ZDHHC14: variants seen among roughly 807,000 people sequenced by gnomAD.
ZDHHC14 encodes the protein palmitoyltransferase ZDHHC14.
ZDHHC14 carries 16 observed loss-of-function variants against 47.7 expected under a neutral mutation model. The ratio of observed to expected loss-of-function variants is 0.34; its 90% CI spans 0.23 to 0.51. ZDHHC14 has a LOEUF of 0.51. ZDHHC14 is among the 20% of genes least tolerant of loss of function. ZDHHC14 has a pLI of 0.97. For missense variants in ZDHHC14, 515 were observed against 662.5 expected (o/e 0.78, Z 2.44); for synonymous variants, 293 against 278.9 (o/e 1.05, Z -0.50).
chr6:157,580,672 G>A (rs761816339), intron 2 of ZDHHC14, among the ~76,000 whole-genome samples: 1 of 151,680 alleles, frequency 6.6e-6, no homozygotes, highest in African/African-American at 2.4e-5. Context: ...TAGTTTGTCT[G>A]CATAGAGGTG....
chr6:157,496,618 T>C (rs1780072139), intron 1 of ZDHHC14, among the ~76,000 whole-genome samples: 1 of 152,166 alleles, frequency 6.6e-6, no homozygotes, highest in African/African-American at 2.4e-5. Flanking sequence ...AGGGAGAAGA[T>C]GGGCATGTGC....
intron 1 of ZDHHC14, among the ~76,000 whole-genome samples, chr6:157,483,997 A>G (rs1056953468): frequency 2.6e-5 from 4 of 152,266 alleles, no homozygotes; most frequent in African/African-American, 7.2e-5. Flanking sequence ...TTGCATCAAC[A>G]TGGATGGAGC....
intron 2 of ZDHHC14, among the ~76,000 whole-genome samples, chr6:157,590,707 C>T (rs1349679300): frequency 6.6e-6 from 1 of 152,310 alleles, no homozygotes; most frequent in African/African-American, 2.4e-5. Context: ...ACATAGAGTC[C>T]CCACTGGGGC....
At chr6:157,465,166 A>C (rs1020539036) in intron 1 of ZDHHC14, among the ~76,000 whole-genome samples, 3 of 151,052 alleles carry the variant, frequency 2.0e-5, no homozygotes, top group Admixed American at 6.6e-5. Flanking sequence ...AACCAATGAA[A>C]AAAAAAGATT....
chr6:157,577,431 A>C (rs1291399038), intron 2 of ZDHHC14, among the ~76,000 whole-genome samples: 1 of 152,222 alleles, frequency 6.6e-6, no homozygotes, highest in Non-Finnish European at 1.5e-5. Context: ...TTCTTTGAGG[A>C]ATCACCATGC....
At chr6:157,407,326 C>G (rs1367373090) in intron 1 of ZDHHC14, among the ~76,000 whole-genome samples, 1 of 152,168 alleles carries the variant, frequency 6.6e-6, no homozygotes, top group Non-Finnish European at 1.5e-5. Context: ...TACATGGCCG[C>G]TGTGTATAGG....
intron 1 of ZDHHC14, among the ~76,000 whole-genome samples, chr6:157,483,245 T>G (rs1486420397): frequency 1.3e-5 from 2 of 152,244 alleles, no homozygotes; most frequent in Non-Finnish European, 2.9e-5. Context: ...ATCTCAGCCC[T>G]TCTTTAATCA....
At chr6:157,496,224 T>C (rs1780059936) in intron 1 of ZDHHC14, among the ~76,000 whole-genome samples, 2 of 152,174 alleles carry the variant, frequency 1.3e-5, no homozygotes, top group East Asian at 1.9e-4. Context: ...GGTTCTGAGA[T>C]GGGAGGTCGA....
At chr6:157,565,804 C>CA (rs758559905) in intron 2 of ZDHHC14, among the ~76,000 whole-genome samples, 3,018 of 99,328 alleles carry the variant, frequency 0.03, 107 homozygotes, top group African/African-American at 0.097. Context: ...ACTCCGTCTC[C>CA]AAAAAAAAAA....
At position 157,542,742 on chromosome 6, in the gene ZDHHC14, A is replaced by G; in HGVS notation, c.403A>G (p.Ile135Val). Residue 135 changes from isoleucine to valine, a missense_variant, in exon 2 of 9, where the codon ATA becomes GTA. Physicochemically the swap from Ile to Val is conservative, Grantham distance 29. Transcript: ENST00000359775. The stretch of plus-strand genomic sequence containing the variant: ...TGAAGCCGCCGATCTGGAAAGGCAA[A>G]TAGGTAACACTGAAAGTCTGCCCAT... Reference protein sequence around the residue: ...PDEAADLERQIDIANGTSSGG... With the variant: ...PDEAADLERQVDIANGTSSGG... 1 of 1,613,906 alleles carries G rather than the reference A, an allele frequency of 6.2e-7. No homozygotes were observed. Among genetic ancestry groups the G allele is most frequent in the East Asian group, 2.2e-5 (1 of 44,862 alleles).
intron 1 of ZDHHC14, among the ~76,000 whole-genome samples, chr6:157,437,328 A>G (rs1359167795): frequency 2.0e-5 from 3 of 152,232 alleles, no homozygotes; most frequent in Non-Finnish European, 4.4e-5. Context: ...TAAGGAGGCC[A>G]CTTTCCCTCC....
intron 1 of ZDHHC14, among the ~76,000 whole-genome samples, chr6:157,476,319 C>G (rs1049101072): frequency 7.9e-5 from 12 of 152,142 alleles, no homozygotes; most frequent in Non-Finnish European, 1.0e-4. Flanking sequence ...AGATATGGGT[C>G]AATTCCTAGA....
At chr6:157,595,852 G>A (rs981346668) in intron 3 of ZDHHC14, among the ~76,000 whole-genome samples, 4 of 152,194 alleles carry the variant, frequency 2.6e-5, no homozygotes, top group African/African-American at 7.2e-5. Context: ...TGGCCACCCA[G>A]TATCCACAAC....
chr6:157,510,077 T>A (rs1360194079), intron 1 of ZDHHC14, among the ~76,000 whole-genome samples: 1 of 152,128 alleles, frequency 6.6e-6, no homozygotes, highest in East Asian at 1.9e-4. Context: ...AAACCCCATC[T>A]CTACTAAAAA....
intron 1 of ZDHHC14, among the ~76,000 whole-genome samples, chr6:157,509,107 C>T (rs887364889): frequency 2.6e-5 from 4 of 152,124 alleles, no homozygotes; most frequent in Non-Finnish European, 5.9e-5. Context: ...GTCTTCCCCA[C>T]CTTAGAATCT....
intron 2 of ZDHHC14, among the ~76,000 whole-genome samples, chr6:157,558,370 T>C (rs1368010843): frequency 6.6e-6 from 1 of 152,182 alleles, no homozygotes; most frequent in African/African-American, 2.4e-5. Flanking sequence ...TAGTCTGCAT[T>C]ACACAGGGAA....
chr6:157,544,395 C>A (rs1582914639), intron 2 of ZDHHC14, among the ~76,000 whole-genome samples: 2 of 152,114 alleles, frequency 1.3e-5, no homozygotes, highest in African/African-American at 4.8e-5. Flanking sequence ...TGCCTGTAAT[C>A]CCAGCACTTT....
chr6:157,550,600 C>T (rs1011483382), intron 2 of ZDHHC14, among the ~76,000 whole-genome samples: 4 of 150,898 alleles, frequency 2.7e-5, no homozygotes, highest in African/African-American at 9.7e-5. Context: ...CTAGAGAGAA[C>T]ATGGTGTCAC....
At chr6:157,412,336 A>C (rs1316137218) in intron 1 of ZDHHC14, among the ~76,000 whole-genome samples, 1 of 151,896 alleles carries the variant, frequency 6.6e-6, no homozygotes, top group African/African-American at 2.4e-5. Flanking sequence ...TGTGTCGCCC[A>C]GGCTGGAGTG....
Sources: allele counts gnomAD v4.1 joint callset (sites outside exome capture counted in the v4.1 genomes callset), GRCh38; gene constraint gnomAD v4.1.1; transcripts MANE v1.5; gene names NCBI Gene and HGNC (gene_info 2026-07-23, HGNC 2026-07-21).